Variants in KLHL5 observed in about 807,000 individuals in gnomAD.
KLHL5 encodes kelch like family member 5.
Under a neutral mutation model 77.7 loss-of-function variants are expected in KLHL5, and 48 were observed. The observed-to-expected ratio is 0.62, with a 90% CI of 0.49 to 0.79. The LOEUF is 0.79. Ranked by LOEUF, KLHL5 falls within the 30% of genes least tolerant of loss-of-function variation. The pLI, the probability that KLHL5 is intolerant of heterozygous loss-of-function variation, is 0.00. For synonymous variants in KLHL5, 260 were observed against 297.0 expected (o/e 0.88, Z 1.28); for missense variants, 723 against 859.7 (o/e 0.84, Z 1.99).
intron 4 of KLHL5, among the ~76,000 whole-genome samples, chr4:39,085,809 C>A (rs1481135123): frequency 6.6e-6 from 1 of 151,710 alleles, no homozygotes; most frequent in Non-Finnish European, 1.5e-5. Context: ...TCCTGTGAGA[C>A]CAAAAGAGCT....
At chr4:39,078,191 G>C (rs763814343) in intron 2 of KLHL5, among the ~76,000 whole-genome samples, 6 of 152,000 alleles carry the variant, frequency 3.9e-5, no homozygotes, top group Non-Finnish European at 8.8e-5. Flanking sequence ...TTCAAGACCA[G>C]CCTGACCAAG....
In KLHL5 at chr4:39,075,946, T is replaced by A. The variant is rs745687491; in HGVS notation, c.384-19T>A. ...TGTGATAGTGATATTTCAAAATGTG[T>A]GTTTTTTTTTCTTTTCAGGACTTCC... On this transcript the variant is annotated intron_variant, in intron 1 of 10. Coordinates refer to ENST00000504108, the MANE Select transcript of KLHL5 (RefSeq NM_015990.5). The A allele has an allele frequency of 7.0e-6, 11 of 1,564,456 alleles. No homozygotes were observed. Among genetic ancestry groups the A allele is most frequent in the Middle Eastern group, 1.7e-4 (1 of 5,922 alleles).
intron 5 of KLHL5, among the ~76,000 whole-genome samples, chr4:39,088,598 T>C (rs1720253366): frequency 6.6e-6 from 1 of 151,722 alleles, no homozygotes; most frequent in Admixed American, 6.6e-5. Flanking sequence ...TATCAGATGG[T>C]GGAAGAAATA....
At chr4:39,130,652 G>C (rs982577334), downstream of KLHL5, among the ~76,000 whole-genome samples, 1 of 152,126 alleles carries the variant, frequency 6.6e-6, no homozygotes, top group Non-Finnish European at 1.5e-5. Flanking sequence ...CTAATGTGCA[G>C]CCACCTTTAG....
In KLHL5 at chr4:39,107,617, G is replaced by T; in HGVS notation, c.1574G>T (p.Gly525Val). The change falls in exon 8 of 11, where the codon GGC becomes GTC. Residue 525 changes from glycine (G) to valine (V), a missense_variant. Around this residue, in one of 3 missense-constraint regions of KLHL5, gnomAD observed 214 missense variants for 237.4 expected, o/e 0.90. Transcript: ENST00000504108. The stretch of plus-strand genomic sequence containing the variant: ...ATGTATGCCGTAGGAGGACATGATG[G>T]CTGGAGCTATCTGAACACAGTGGAA... The part of the protein sequence containing the change: ...GPMYAVGGHD[G>V]WSYLNTVERW... The T allele has an allele frequency of 6.2e-7, 1 of 1,612,446 alleles. No homozygotes were observed. Among genetic ancestry groups the T allele is most frequent in the Middle Eastern group, 1.7e-4 (1 of 6,044 alleles).
At chr4:39,095,749 T>G (rs1487658011) in intron 5 of KLHL5, among the ~76,000 whole-genome samples, 1 of 151,914 alleles carries the variant, frequency 6.6e-6, no homozygotes, top group Non-Finnish European at 1.5e-5. Flanking sequence ...AAATCAGAAC[T>G]ATACCTTTTC....
Position 39,095,463 on chromosome 4 carries a change from A to G in KLHL5, c.1114-1229A>G, listed in dbSNP as rs150508123. On this transcript the variant is annotated intron_variant, in intron 5 of 10. Coordinates refer to ENST00000504108, the MANE Select transcript of KLHL5 (RefSeq NM_015990.5). ...ATGTGCACACACATGCATACATAAC[A>G]TACATACATATATACTTTGACCCAC... is the stretch of plus-strand genomic sequence containing the variant. 4.2e-3 allele frequency among the ~76,000 whole-genome samples: 641 copies of G among 152,196 alleles called. 7 individuals carry two copies. The highest frequency in any genetic ancestry group is 0.015 in the African/African-American group (619 of 41,538).
intron 10 of KLHL5, among the ~76,000 whole-genome samples, chr4:39,120,453 ATT>A: frequency 6.6e-6 from 1 of 152,276 alleles, no homozygotes; most frequent in Non-Finnish European, 1.5e-5. Context: ...AGCATTTATT[ATT>A]TATTTAGTCT....
At chr4:39,077,974 C>T (rs1242826003) in intron 2 of KLHL5, among the ~76,000 whole-genome samples, 5 of 152,190 alleles carry the variant, frequency 3.3e-5, no homozygotes, top group Admixed American at 1.3e-4. Context: ...ATGGGATTCT[C>T]AGCAACCTGG....
chr4:39,066,443 G>C (rs572910302), intron 1 of KLHL5, among the ~76,000 whole-genome samples: 1 of 152,134 alleles, frequency 6.6e-6, no homozygotes, highest in African/African-American at 2.4e-5. Context: ...TTAATATCAG[G>C]CTGTTTTTTA....
chr4:39,084,207 A>G (rs1213495127), intron 4 of KLHL5, among the ~76,000 whole-genome samples: 1 of 152,192 alleles, frequency 6.6e-6, no homozygotes, highest in African/African-American at 2.4e-5. Context: ...AGTGAGTTCA[A>G]TCAGTGAATG....
chr4:39,083,603 C>T (rs1267735914), intron 4 of KLHL5, among the ~76,000 whole-genome samples: 1 of 152,120 alleles, frequency 6.6e-6, no homozygotes, highest in Admixed American at 6.5e-5. Flanking sequence ...TTCCCTCGGT[C>T]TTTATCACTC....
rs375838539 is a variant in KLHL5 at position 39,069,658 on chromosome 4, A to G, written c.384-6307A>G. ...TAGCCACCTCAAAATACCAACTGTT[A>G]ATTTGGGGAAGTGTCCTTCTGGTAT... On this transcript the variant is annotated intron_variant, in intron 1 of 10. Coordinates refer to ENST00000504108, the MANE Select transcript of KLHL5 (RefSeq NM_015990.5). Among the ~76,000 whole-genome samples, 29 of 151,746 alleles carry G rather than the reference A, an allele frequency of 1.9e-4. 1 individual carries two copies. Among genetic ancestry groups the G allele is most frequent in the East Asian group, 7.7e-4 (4 of 5,170 alleles).
At chr4:39,082,964 G>T (rs970621013) in intron 4 of KLHL5, among the ~76,000 whole-genome samples, 1 of 152,142 alleles carries the variant, frequency 6.6e-6, no homozygotes, top group South Asian at 2.1e-4. Context: ...TGACTGAAGA[G>T]TGTTGCTTTA....
chr4:39,093,473 T>C (rs1489573341), intron 5 of KLHL5: 1 of 455,314 alleles, frequency 2.2e-6, no homozygotes, highest in Non-Finnish European at 4.4e-6. Context: ...GTACTTTGAA[T>C]GGATAAATTA....
At chr4:39,131,901 AAAG>A in the KLHL5 span, among the ~76,000 whole-genome samples, 1 of 151,998 alleles carries the variant, frequency 6.6e-6, no homozygotes, top group African/African-American at 2.4e-5. Context: ...AAAAAAAAAA[AAAG>A]AAAAAAATCC....
chr4:39,048,307 A>G (rs1048302100), intron 1 of KLHL5, among the ~76,000 whole-genome samples: 1 of 148,550 alleles, frequency 6.7e-6, no homozygotes, highest in Non-Finnish European at 1.5e-5. Context: ...GGGCACTTCC[A>G]TTCCAAAGTA....
chr4:39,116,621 A>G (rs6820930), intron 10 of KLHL5, among the ~76,000 whole-genome samples: 2,317 of 152,160 alleles, frequency 0.015, 59 homozygotes, highest in African/African-American at 0.053. Context: ...TGTGAAAGAA[A>G]TGTCACCAAA....
intron 10 of KLHL5, among the ~76,000 whole-genome samples, chr4:39,119,472 G>A (rs1300859349): frequency 6.6e-6 from 1 of 152,118 alleles, no homozygotes; most frequent in Non-Finnish European, 1.5e-5. Flanking sequence ...AGTAGTCCCA[G>A]CTACTCAGGA....
Sources: gnomAD v4.1 joint callset for allele counts (sites outside exome capture counted in the v4.1 genomes callset) on GRCh38, gnomAD v4.1.1 for gene constraint, gnomAD v4.1.1 regional missense constraint, MANE v1.5 for transcripts, NCBI Gene and HGNC (gene_info 2026-07-23, HGNC 2026-07-21) for gene names.